Variants in PRKCH observed in about 807,000 individuals in gnomAD.
PRKCH encodes protein kinase C eta type.
Under a neutral mutation model 82.5 loss-of-function variants are expected in PRKCH, and 28 were observed. The ratio of observed to expected loss-of-function variants is 0.34; its 90% CI spans 0.25 to 0.47. The LOEUF is 0.47. Among genes scored for constraint, PRKCH ranks in the 20% least tolerant of loss-of-function variants. The pLI is 1.00. For missense variants in PRKCH, 705 were observed against 881.8 expected, an observed-to-expected ratio of 0.80 and a Z score of 2.54; for synonymous variants, 322 against 327.4, an observed-to-expected ratio of 0.98 and a Z score of 0.18.
At chr14:61,308,109 G>T (rs116913158) in intron 1 of PRKCH, among the ~76,000 whole-genome samples, 4,354 of 152,192 alleles carry the variant, frequency 0.029, 115 homozygotes, top group East Asian at 0.066. Context: ...CAGAGTGTTG[G>T]GATTACAGGC....
intron 1 of PRKCH, among the ~76,000 whole-genome samples, chr14:61,358,292 G>A (rs1049237515): frequency 2.0e-5 from 3 of 152,150 alleles, no homozygotes; most frequent in Non-Finnish European, 4.4e-5. Context: ...ATAAATGTTA[G>A]CTGCTGCTGT....
chr14:61,487,754 AG>A (rs1170974715), intron 10 of PRKCH, among the ~76,000 whole-genome samples: 1 of 151,536 alleles, frequency 6.6e-6, no homozygotes, highest in Non-Finnish European at 1.5e-5. Context: ...GCACCTCGGA[AG>A]GCTGAGCGGG....
At position 61,485,583 on chromosome 14, in the gene PRKCH, G is replaced by A. The variant is rs772545889; in HGVS notation, c.1360G>A (p.Ala454Thr). Residue 454 changes from alanine to threonine, a missense_variant, in exon 10 of 14, where the codon GCA becomes ACA. Ala to Thr is a moderately conservative substitution (Grantham distance 58). Transcript: ENST00000332981. Reference protein sequence around the residue: ...HIQKSRRFDEARARFYAAEII... With the variant: ...HIQKSRRFDETRARFYAAEII... ...TCAGAAGTCTCGTCGTTTTGATGAA[G>A]CACGAGCTCGCTTCTATGCTGCAGA... 6 of 1,614,146 alleles carry A rather than the reference G, an allele frequency of 3.7e-6. No individual in the cohort carries two copies. Among genetic ancestry groups the A allele is most frequent in the Middle Eastern group, 3.3e-4 (2 of 6,062 alleles).
intron 1 of PRKCH, chr14:61,298,772 GC>G (rs1168877625): frequency 6.6e-6 from 1 of 151,980 alleles, no homozygotes; most frequent in African/African-American, 2.4e-5. Context: ...ACTGTTACCA[GC>G]GGTGAATCCC....
intron 1 of PRKCH, among the ~76,000 whole-genome samples, chr14:61,375,974 G>A (rs1005280702): frequency 5.4e-5 from 8 of 148,450 alleles, no homozygotes; most frequent in Admixed American, 2.7e-4. Context: ...CCAAGATCAT[G>A]CCACTGCACT....
chr14:61,537,197 G>A (rs555000038), intron 12 of PRKCH, among the ~76,000 whole-genome samples: 3 of 152,194 alleles, frequency 2.0e-5, no homozygotes, highest in African/African-American at 2.4e-5. Context: ...AATACTTAAC[G>A]TGTGCTTGCC....
chr14:61,211,907 G>A (rs1299992962), intron 1 of PRKCH, among the ~76,000 whole-genome samples: 1 of 152,164 alleles, frequency 6.6e-6, no homozygotes, highest in Non-Finnish European at 1.5e-5. Flanking sequence ...AGCCAAGAGG[G>A]CAGTTATTAT....
chr14:61,432,847 A>G (rs1413809879), intron 2 of PRKCH, among the ~76,000 whole-genome samples: 1 of 151,810 alleles, frequency 6.6e-6, no homozygotes, highest in Non-Finnish European at 1.5e-5. Flanking sequence ...GTCCTGAGAT[A>G]ATAGGCGTGA....
At chr14:61,451,069 G>T in intron 6 of PRKCH, 98 bp downstream of exon 6, 3 of 1,364,122 alleles carry the variant, frequency 2.2e-6, no homozygotes, top group Admixed American at 2.6e-5. Context: ...TAGAACTGAT[G>T]GTTTTAGATA....
intron 1 of PRKCH, among the ~76,000 whole-genome samples, chr14:61,259,543 A>G (rs2140078778): frequency 6.6e-6 from 1 of 152,330 alleles, no homozygotes; most frequent in Middle Eastern, 3.4e-3. Flanking sequence ...CCATCAAAGG[A>G]GATACCCATT....
chr14:61,332,742 C>T (rs2045806251), intron 1 of PRKCH, among the ~76,000 whole-genome samples: 1 of 152,218 alleles, frequency 6.6e-6, no homozygotes, highest in Non-Finnish European at 1.5e-5. Context: ...TGCACTTAGA[C>T]AAAAACCGCA....
chr14:61,379,545 A>G (rs1212614402), intron 1 of PRKCH, among the ~76,000 whole-genome samples: 2 of 152,118 alleles, frequency 1.3e-5, no homozygotes, highest in African/African-American at 4.8e-5. Context: ...CCTCCATTAC[A>G]ATGGATGATG....
intron 1 of PRKCH, among the ~76,000 whole-genome samples, chr14:61,196,701 C>T (rs903072248): frequency 9.2e-5 from 14 of 152,084 alleles, no homozygotes; most frequent in Non-Finnish European, 2.1e-4. Context: ...GAATTCTGAC[C>T]AGTACACGTT....
chr14:61,520,541 T>A (rs1480787693), intron 10 of PRKCH, among the ~76,000 whole-genome samples: 1 of 152,128 alleles, frequency 6.6e-6, no homozygotes, highest in Admixed American at 6.5e-5. Context: ...AATATGAGCT[T>A]CTTAAAAAAA....
chr14:61,365,175 T>C (rs1438651644), intron 1 of PRKCH, among the ~76,000 whole-genome samples: 3 of 152,078 alleles, frequency 2.0e-5, no homozygotes, highest in Non-Finnish European at 4.4e-5. Flanking sequence ...AAACTTCATT[T>C]TGGTGTTTGA....
intron 10 of PRKCH, among the ~76,000 whole-genome samples, chr14:61,527,419 G>A (rs550739311): frequency 3.9e-5 from 6 of 152,206 alleles, no homozygotes; most frequent in South Asian, 2.1e-4. Context: ...CTCTCTATCC[G>A]TCTATCTCTA....
In PRKCH at chr14:61,428,076, T is replaced by TAGATAGATAGATAGATACAC. The variant is rs377250538; in HGVS notation, c.428-15034_428-15033insGATAGATAGATAGATACACA. Reference sequence around the variant, plus strand: ...ATAGATAGATAGATAGATAGATAGATACACACACACACACACACACATATA... The same window carrying TAGATAGATAGATAGATACAC: ...ATAGATAGATAGATAGATAGATAGATAGATAGATAGATAGATACACACACACACACACACACACACATATA... On this transcript the variant is annotated intron_variant, in intron 2 of 13. Coordinates refer to ENST00000332981, the MANE Select transcript of PRKCH (RefSeq NM_006255.5). Among the ~76,000 whole-genome samples the TAGATAGATAGATAGATACAC allele has an allele frequency of 5.3e-3, 666 of 126,170 alleles. 3 individuals carry two copies. Among genetic ancestry groups the TAGATAGATAGATAGATACAC allele is most frequent in the Admixed American group, 8.4e-3 (105 of 12,524 alleles). 82.8% of individuals were successfully genotyped at this position (126,170 alleles called of 152,430 possible).
intron 1 of PRKCH, among the ~76,000 whole-genome samples, chr14:61,299,113 A>T (rs2045428984): frequency 6.6e-6 from 1 of 152,170 alleles, no homozygotes; most frequent in Non-Finnish European, 1.5e-5. Flanking sequence ...TGTAGGGTAA[A>T]GGAGAATAAC....
intron 5 of PRKCH, among the ~76,000 whole-genome samples, chr14:61,449,920 G>A (rs1374188006): frequency 2.6e-5 from 4 of 151,234 alleles, no homozygotes; most frequent in Non-Finnish European, 1.5e-5. Context: ...GTGTGTGTGT[G>A]TGTATGTGTA....
Sources: gnomAD v4.1 joint callset for allele counts (sites outside exome capture counted in the v4.1 genomes callset) on GRCh38, gnomAD v4.1.1 for gene constraint, MANE v1.5 for transcripts, NCBI Gene and HGNC (gene_info 2026-07-23, HGNC 2026-07-21) for gene names.